Variants in SMURF1 observed in about 807,000 individuals in gnomAD.
The protein encoded by SMURF1 is SMAD specific E3 ubiquitin protein ligase 1, also known as E3 ubiquitin-protein ligase SMURF1.
Under a neutral mutation model 98.0 loss-of-function variants are expected in SMURF1, and 44 were observed. The ratio of observed to expected loss-of-function variants is 0.45; its 90% confidence interval spans 0.35 to 0.58. The LOEUF (loss-of-function observed/expected upper bound fraction) is 0.58, where lower values mean the gene tolerates loss of function less well. Among genes scored for constraint, SMURF1 ranks in the 20% least tolerant of loss-of-function variants. The pLI, the probability that SMURF1 is intolerant of heterozygous loss-of-function variation, is 0.00. For synonymous variants in SMURF1, 396 were observed against 374.9 expected (o/e 1.06, Z -0.65); for missense variants, 687 against 938.4 (o/e 0.73, Z 3.50).
chr7:99,077,437 A>C (rs1796490114), intron 1 of SMURF1, among the ~76,000 whole-genome samples: 1 of 150,944 alleles, frequency 6.6e-6, no homozygotes, highest in African/African-American at 2.4e-5. Flanking sequence ...GGTTCAAGTT[A>C]TTCTCCTGCC....
intron 17 of SMURF1, chr7:99,032,771 C>CAGGTATTTTTTTACATGGCCAGT (rs1794957078): frequency 6.2e-6 from 3 of 487,528 alleles, no homozygotes; most frequent in Non-Finnish European, 1.1e-5. Context: ...GGCCCTCTTA[C>CAGGTATTTTTTTACATGGCCAGT]AGGTATTTTT....
chr7:99,075,101 C>T (rs1234522229), intron 1 of SMURF1, among the ~76,000 whole-genome samples: 3 of 152,068 alleles, frequency 2.0e-5, no homozygotes, highest in African/African-American at 4.8e-5. Context: ...GTTTTCCTGA[C>T]TCCTGGAGAC....
intron 1 of SMURF1, among the ~76,000 whole-genome samples, chr7:99,111,583 T>A (rs113180715): frequency 6.6e-6 from 1 of 152,148 alleles, no homozygotes; most frequent in Admixed American, 6.5e-5. Context: ...TGGCAAAAAC[T>A]GCCAGAATCA....
chr7:99,043,156 C>T (rs1795449742), intron 11 of SMURF1, among the ~76,000 whole-genome samples: 1 of 152,088 alleles, frequency 6.6e-6, no homozygotes, highest in South Asian at 2.1e-4. Flanking sequence ...GCAAACATTC[C>T]GACCGAGCCA....
Position 99,049,677 on chromosome 7 carries a change from C to G in SMURF1, c.839G>C (p.Gly280Ala). ...DLNSVNCDELGPLPPGWEVRS... is the reference protein window; with the variant it reads ...DLNSVNCDELAPLPPGWEVRS... ...GACTTCCCAGCCTGGCGGCAGTGGT[C>G]CAAGTTCATCACAGTTCACACTGTT... Residue 280 changes from glycine to alanine, a missense_variant, in exon 9 of 18, where the codon GGA (glycine) becomes GCA (alanine). By Grantham distance (60) the Gly-to-Ala change is moderately conservative. Coordinates refer to ENST00000361368, the MANE Select transcript of SMURF1 (RefSeq NM_181349.3). The G allele has an allele frequency of 1.2e-6, 2 of 1,614,028 alleles. No homozygotes were observed.
At position 99,051,593 on chromosome 7, in the gene SMURF1, C is replaced by T. The variant is rs1392758430; in HGVS notation, c.722-152G>A. On this transcript the variant is annotated intron_variant, in intron 7 of 17. Transcript: ENST00000361368. The stretch of plus-strand genomic sequence containing the variant: ...TTCTCTCTGAGGTGGCCGAATAATC[C>T]CCTCTTCTCCATCTCGCCCCATGCT... The T allele has an allele frequency of 1.8e-5, 12 of 666,552 alleles. No homozygotes were observed. The Admixed American group carries it at 2.8e-4, about 15-fold the overall frequency. 41.3% of individuals were successfully genotyped at this position (666,552 alleles called of 1,614,324 possible).
chr7:99,045,677 G>A (rs117145131), intron 11 of SMURF1, 21 bp downstream of exon 11: 22,709 of 1,584,712 alleles, frequency 0.014, 246 homozygotes, highest in Middle Eastern at 0.025. Flanking sequence ...AGCAGAGAAG[G>A]TGAATGAACA....
intron 10 of SMURF1, 24 bp downstream of exon 10, chr7:99,047,660 G>T: frequency 6.2e-7 from 1 of 1,612,572 alleles, no homozygotes. Context: ...AACAGGGTCT[G>T]GGCAGTGGCC....
intron 1 of SMURF1, among the ~76,000 whole-genome samples, chr7:99,080,714 A>G (rs763399813): frequency 1.3e-5 from 2 of 152,162 alleles, no homozygotes; most frequent in Non-Finnish European, 2.9e-5. Context: ...AGCCATCCCA[A>G]CTGAGTTGAT....
chr7:99,051,964 A>G (rs1795762689), intron 7 of SMURF1, among the ~76,000 whole-genome samples: 1 of 152,142 alleles, frequency 6.6e-6, no homozygotes. Flanking sequence ...CCTGGGCAAC[A>G]TGGCGAGACC....
intron 3 of SMURF1, among the ~76,000 whole-genome samples, chr7:99,059,420 AATAAAAT>A (rs1795975496): frequency 6.1e-5 from 7 of 114,210 alleles, no homozygotes; most frequent in East Asian, 2.1e-4. Context: ...AATAAAATAA[AATAAAAT>A]AAAATAAAAT....
chr7:99,028,649 T>C lies in SMURF1; in HGVS notation c.*1935A>G, dbSNP rs1287733369. On this transcript the variant is annotated 3_prime_UTR_variant, in exon 18 of 18. Coordinates refer to ENST00000361368, the MANE Select transcript of SMURF1 (RefSeq NM_181349.3). ...TGCAACATTCCTGCTTCAAAGTCTTTTAAACCATGAGACCCTGGTTTCCTT... is the reference window on the plus strand; with the variant it reads ...TGCAACATTCCTGCTTCAAAGTCTTCTAAACCATGAGACCCTGGTTTCCTT... 2.6e-5 allele frequency: 4 copies of C among 152,262 alleles called. No individual in the cohort carries two copies. Among genetic ancestry groups the C allele is most frequent in the Admixed American group, 2.6e-4 (4 of 15,284 alleles). 9.4% of individuals were successfully genotyped at this position (152,262 alleles called of 1,614,324 possible).
rs757291985 is a variant in SMURF1, at chr7:99,052,292, G to A, written c.634C>T (p.Leu212Phe). 1.9e-6 allele frequency: 3 copies of A among 1,612,794 alleles called. No homozygotes were observed. The highest frequency in any genetic ancestry group is 1.3e-5 in the African/African-American group (1 of 75,048). ...SQDQRLQAQR[L>F]RNPDVRGSLQ... ...GAACCTCGCACATCAGGGTTTCGAA[G>A]CCGCTGTGCCTGAAGTCTTTGATCT... The change falls in exon 7 of 18, where the codon CTT (leucine) becomes TTT (phenylalanine). Residue 212 changes from leucine to phenylalanine, a missense_variant. Around this residue, in one of 2 missense-constraint regions of SMURF1, gnomAD observed 415 missense variants for 508.4 expected, o/e 0.82. Coordinates refer to ENST00000361368, the MANE Select transcript of SMURF1 (RefSeq NM_181349.3).
intron 9 of SMURF1, 111 bp downstream of exon 9, chr7:99,049,452 T>TG (rs1473163591): frequency 9.0e-7 from 1 of 1,116,220 alleles, no homozygotes; most frequent in African/African-American, 1.6e-5. Context: ...ATTTTGACCA[T>TG]GCTTATTATC....
chr7:99,064,115 A>T (rs2150547890), intron 1 of SMURF1, among the ~76,000 whole-genome samples: 1 of 152,254 alleles, frequency 6.6e-6, no homozygotes, highest in East Asian at 1.9e-4. Context: ...TGTGAGATAA[A>T]CTCAACTTGG....
At position 99,040,524 on chromosome 7, in the gene SMURF1, C is replaced by G; in HGVS notation, c.1404G>C (p.Arg468=). ...CATGGAACACAGCCAGCCCCATGAT[C>G]CGCCCCACAAAGTGGAAATAAGACA... is the stretch of plus-strand genomic sequence containing the variant. ...DHLSYFHFVG[R]IMGLAVFHGH... is the part of the protein sequence containing the mutation. Residue 468 remains arginine, a synonymous_variant, in exon 13 of 18, where the codon CGG becomes CGC. Transcript: ENST00000361368. The G allele has an allele frequency of 6.6e-7, 1 of 1,520,282 alleles. No individual in the cohort carries two copies. Among genetic ancestry groups the G allele is most frequent in the South Asian group, 1.3e-5 (1 of 77,370 alleles). 94.2% of individuals were successfully genotyped at this position (1,520,282 alleles called of 1,614,324 possible).
chr7:99,122,634 A>T (rs1797660746), intron 1 of SMURF1, among the ~76,000 whole-genome samples: 1 of 105,382 alleles, frequency 9.5e-6, no homozygotes, highest in Non-Finnish European at 2.2e-5. Flanking sequence ...ACAGAGCGAG[A>T]TTCCGTGTCA....
At chr7:99,123,481 CT>C in intron 1 of SMURF1, among the ~76,000 whole-genome samples, 1 of 152,196 alleles carries the variant, frequency 6.6e-6, no homozygotes, top group Non-Finnish European at 1.5e-5. Context: ...CTATAGTGAG[CT>C]ATGATTGCAC....
At chr7:99,056,646 T>A (rs1325627343) in intron 5 of SMURF1, among the ~76,000 whole-genome samples, 3 of 152,156 alleles carry the variant, frequency 2.0e-5, no homozygotes, top group Non-Finnish European at 4.4e-5. Flanking sequence ...TGATTAAAAT[T>A]ACATTTAAAA....
Sources: allele counts gnomAD v4.1 joint callset (sites outside exome capture counted in the v4.1 genomes callset), GRCh38; gene constraint gnomAD v4.1.1; regional missense constraint gnomAD v4.1.1; transcripts MANE v1.5; gene names NCBI Gene and HGNC (gene_info 2026-07-23, HGNC 2026-07-21).